SLC9A9: variants seen among roughly 807,000 people sequenced by gnomAD.
SLC9A9 encodes sodium/hydrogen exchanger 9.
Under a neutral mutation model 77.8 loss-of-function variants are expected in SLC9A9, and 62 were observed. The ratio of observed to expected loss-of-function variants is 0.80; its 90% CI spans 0.65 to 0.98. SLC9A9 has a LOEUF of 0.98. SLC9A9 is among the 50% of genes least tolerant of loss of function. The pLI is 0.00. For synonymous variants in SLC9A9, 320 were observed against 283.5 expected (o/e 1.13, Z -1.29); for missense variants, 775 against 774.9 (o/e 1.00, Z 0.00).
At chr3:143,667,842 G>A (rs945458388) in intron 5 of SLC9A9, among the ~76,000 whole-genome samples, 3 of 152,174 alleles carry the variant, frequency 2.0e-5, no homozygotes, top group East Asian at 1.9e-4. Flanking sequence ...AACAGATGCC[G>A]GAGAGGATGT....
chr3:143,811,272 G>C (rs1451398355), intron 2 of SLC9A9, among the ~76,000 whole-genome samples: 1 of 152,128 alleles, frequency 6.6e-6, no homozygotes, highest in East Asian at 1.9e-4. Context: ...TCACACCTAG[G>C]GACAGCTCAA....
intron 14 of SLC9A9, among the ~76,000 whole-genome samples, chr3:143,296,239 C>G (rs2030263661): frequency 6.6e-6 from 1 of 152,202 alleles, no homozygotes; most frequent in African/African-American, 2.4e-5. Context: ...CCTCCCTAGC[C>G]TCTGGAAACC....
intron 4 of SLC9A9, among the ~76,000 whole-genome samples, chr3:143,731,025 C>G (rs1576687862): frequency 6.6e-6 from 1 of 152,190 alleles, no homozygotes; most frequent in Non-Finnish European, 1.5e-5. Context: ...GTTCCAGCCA[C>G]TACACAGAGA....
chr3:143,388,106 T>C (rs907491000), intron 12 of SLC9A9, among the ~76,000 whole-genome samples: 1 of 151,994 alleles, frequency 6.6e-6, no homozygotes, highest in Admixed American at 6.6e-5. Flanking sequence ...TGGCTGGAGA[T>C]TGAGCACATA....
intron 14 of SLC9A9, among the ~76,000 whole-genome samples, chr3:143,360,616 T>A (rs1440087454): frequency 6.6e-6 from 1 of 152,212 alleles, no homozygotes; most frequent in Non-Finnish European, 1.5e-5. Flanking sequence ...ATAATTTTTA[T>A]TCTGTAGTTT....
intron 4 of SLC9A9, among the ~76,000 whole-genome samples, chr3:143,785,538 C>G (rs1481441323): frequency 6.6e-6 from 1 of 152,184 alleles, no homozygotes; most frequent in African/African-American, 2.4e-5. Flanking sequence ...CCAGCTGAGC[C>G]CAGCCTAAAT....
Position 143,266,818 on chromosome 3 carries a change from C to T in SLC9A9, c.1822G>A (p.Asp608Asn). 6.2e-7 allele frequency: 1 copy of T among 1,614,114 alleles called. No individual in the cohort carries two copies. The highest frequency in any genetic ancestry group is 8.5e-7 in the Non-Finnish European group (1 of 1,180,012). ...PCSPPARLGLDQKASPQTPGK... is the reference protein window; with the variant it reads ...PCSPPARLGLNQKASPQTPGK... ...GGCGTCTGGGGTGAAGCTTTCTGGT[C>T]CAGACCTAGCCTTGCAGGAGGACTG... is the stretch of plus-strand genomic sequence containing the variant. Residue 608 changes from aspartate (D) to asparagine (N), a missense_variant, in exon 16 of 16, where the codon GAC becomes AAC. Coordinates refer to ENST00000316549, the MANE Select transcript of SLC9A9 (RefSeq NM_173653.4).
chr3:143,380,465 T>C (rs2033278001), intron 13 of SLC9A9, among the ~76,000 whole-genome samples: 1 of 41,764 alleles, frequency 2.4e-5, no homozygotes, highest in Non-Finnish European at 4.7e-5. Context: ...TAGATAAAAG[T>C]TTTCTTGAAG....
intron 4 of SLC9A9, among the ~76,000 whole-genome samples, chr3:143,738,492 T>C (rs988688107): frequency 5.3e-5 from 8 of 152,156 alleles, no homozygotes; most frequent in African/African-American, 1.9e-4. Context: ...ACCCTTATTG[T>C]TATAGTTAAA....
chr3:143,815,746 G>T (rs1470813334), intron 2 of SLC9A9, among the ~76,000 whole-genome samples: 1 of 151,978 alleles, frequency 6.6e-6, no homozygotes, highest in Non-Finnish European at 1.5e-5. Context: ...TGCATCTGTA[G>T]TCCCAGCTAT....
chr3:143,360,368 T>A (rs78289198), intron 14 of SLC9A9, among the ~76,000 whole-genome samples: 1 of 152,376 alleles, frequency 6.6e-6, no homozygotes, highest in Non-Finnish European at 1.5e-5. Context: ...TTGGAATTGC[T>A]GCCCACGTTG....
At chr3:143,747,480 T>C (rs1035543443) in intron 4 of SLC9A9, among the ~76,000 whole-genome samples, 3 of 151,542 alleles carry the variant, frequency 2.0e-5, no homozygotes, top group Non-Finnish European at 4.4e-5. Context: ...GAGATGACCC[T>C]GAATTATTCA....
chr3:143,522,747 C>A (rs887178890), intron 9 of SLC9A9, among the ~76,000 whole-genome samples: 14 of 152,268 alleles, frequency 9.2e-5, no homozygotes, highest in African/African-American at 2.9e-4. Context: ...GCCCTTGTAT[C>A]TACCTATACT....
chr3:143,604,125 G>T (rs569240483), intron 6 of SLC9A9, among the ~76,000 whole-genome samples: 13 of 152,186 alleles, frequency 8.5e-5, no homozygotes, highest in Admixed American at 2.0e-4. Context: ...ATAAAATTTA[G>T]TTCTAAATTA....
intron 4 of SLC9A9, among the ~76,000 whole-genome samples, chr3:143,754,996 G>A (rs9816682): frequency 0.014 from 2,116 of 152,206 alleles, 23 homozygotes; most frequent in Middle Eastern, 0.058. Context: ...TATAGCACCC[G>A]GACAAATGGT....
At chr3:143,588,931 A>G (rs1278068605) in intron 6 of SLC9A9, among the ~76,000 whole-genome samples, 1 of 152,200 alleles carries the variant, frequency 6.6e-6, no homozygotes, top group Non-Finnish European at 1.5e-5. Flanking sequence ...ATGAAATCTT[A>G]GCTCCAAAGA....
intron 14 of SLC9A9, among the ~76,000 whole-genome samples, chr3:143,326,300 A>C (rs2031601026): frequency 6.6e-6 from 1 of 152,182 alleles, no homozygotes; most frequent in Non-Finnish European, 1.5e-5. Context: ...AGTGATCTGT[A>C]AAATAGTCAA....
intron 13 of SLC9A9, 47 bp from the exon 14 acceptor site, chr3:143,363,610 A>C (rs777915354): frequency 1.3e-6 from 2 of 1,524,264 alleles, no homozygotes; most frequent in Non-Finnish European, 1.8e-6. Flanking sequence ...AGTCAAAAAG[A>C]TTTTAATATA....
intron 5 of SLC9A9, among the ~76,000 whole-genome samples, chr3:143,663,505 T>C (rs376785880): frequency 1.1e-4 from 16 of 152,268 alleles, no homozygotes; most frequent in African/African-American, 3.8e-4. Context: ...AGATTGGTAA[T>C]AACAAATTTC....
Sources: allele counts gnomAD v4.1 joint callset (sites outside exome capture counted in the v4.1 genomes callset), GRCh38; gene constraint gnomAD v4.1.1; transcripts MANE v1.5; gene names NCBI Gene and HGNC (gene_info 2026-07-23, HGNC 2026-07-21).